SSBP4: variants seen among roughly 807,000 people sequenced by gnomAD.
SSBP4 encodes the protein single stranded DNA binding protein 4, also known as single-stranded DNA-binding protein 4.
A neutral mutation model predicts 64.6 loss-of-function variants in SSBP4; 33 were observed. The observed-to-expected ratio is 0.51, with a 90% CI of 0.39 to 0.68. The LOEUF is 0.68. Among genes scored for constraint, SSBP4 ranks in the 30% least tolerant of loss-of-function variants. The pLI, the probability that SSBP4 is intolerant of heterozygous loss-of-function variation, is 0.00. For missense variants in SSBP4, 583 were observed against 566.8 expected, an observed-to-expected ratio of 1.03 and a Z score of -0.29; for synonymous variants, 243 against 224.0, an observed-to-expected ratio of 1.08 and a Z score of -0.76.
At position 18,432,555 on chromosome 19, in the gene SSBP4, C is replaced by A; in HGVS notation, c.705-4C>A. 6.4e-7 allele frequency: 1 copy of A among 1,571,828 alleles called. No homozygotes were observed. ...CAGAGTCTGTCATCCGCGGTCTCTT[C>A]CAGGGGCCCAGGAGTTCGTGGCCCG... is the stretch of plus-strand genomic sequence containing the variant. On this transcript the variant is annotated splice_polypyrimidine_tract_variant and splice_region_variant and intron_variant, in intron 10 of 17. Coordinates refer to ENST00000270061, the MANE Select transcript of SSBP4 (RefSeq NM_032627.5).
In SSBP4 at chr19:18,427,329, CT is replaced by C. The variant is rs762707458; in HGVS notation, c.60-21del. The C allele has an allele frequency of 2.5e-6, 4 of 1,607,128 alleles. No homozygotes were observed. In the Admixed American group the frequency reaches 5.0e-5, roughly 20 times the overall value. On this transcript the variant is annotated intron_variant, in intron 1 of 17. Transcript: ENST00000270061. The surrounding 1 kb of genome is among the most constrained non-coding windows in gnomAD (Gnocchi z 4.4). Reference sequence around the variant, plus strand: ...CCTTGCCTTGGAGAGTCTGAGCTCCCTGGGCCGCCTCGCCCCCACAGGTTGG... The same window carrying C: ...CCTTGCCTTGGAGAGTCTGAGCTCCCGGGCCGCCTCGCCCCCACAGGTTGG...
At chr19:18,429,520 C>G (rs1217434581) in intron 4 of SSBP4, among the ~76,000 whole-genome samples, 1 of 151,786 alleles carries the variant, frequency 6.6e-6, no homozygotes, top group Non-Finnish European at 1.5e-5. Context: ...CTCAGGCACC[C>G]GCTGTGGCCC....
At chr19:18,407,328 G>A in the SSBP4 span, among the ~76,000 whole-genome samples, 1 of 152,008 alleles carries the variant, frequency 6.6e-6, no homozygotes, top group East Asian at 1.9e-4. Context: ...GTAAGACACA[G>A]CACCCAGCCC....
At chr19:18,403,951 G>A in the SSBP4 span, among the ~76,000 whole-genome samples, 43 of 152,096 alleles carry the variant, frequency 2.8e-4, no homozygotes, top group South Asian at 6.2e-4. Flanking sequence ...ACCTGAAGCC[G>A]TCCCAGGCTT....
At chr19:18,428,976 C>T (rs1200885955) in intron 4 of SSBP4, among the ~76,000 whole-genome samples, 1 of 152,230 alleles carries the variant, frequency 6.6e-6, no homozygotes, top group Non-Finnish European at 1.5e-5. Flanking sequence ...TCTGGGCGCC[C>T]CCCGCCGGGC....
rs780173759 is a variant in SSBP4, at chr19:18,432,233, C to T, written c.704+19C>T. ...TGAACATGTAAGACCCTGGGGGATC[C>T]TAGGAGTGTGCAGTTCGCAGGCCAC... On this transcript the variant is annotated intron_variant, in intron 10 of 17. Coordinates refer to ENST00000270061, the MANE Select transcript of SSBP4 (RefSeq NM_032627.5). 10 of 1,611,738 alleles carry T rather than the reference C, an allele frequency of 6.2e-6. No homozygotes were observed. In the South Asian group the frequency reaches 9.9e-5, roughly 16 times the overall value.
At position 18,421,502 on chromosome 19, in the gene SSBP4, T is replaced by C. The variant is rs936419785; in HGVS notation, c.59+1795T>C. Among the ~76,000 whole-genome samples, 8 of 152,218 alleles carry C rather than the reference T, an allele frequency of 5.3e-5. No homozygotes were observed. In the South Asian group the frequency reaches 1.7e-3, roughly 32 times the overall value. On this transcript the variant is annotated intron_variant, in intron 1 of 17. Coordinates refer to ENST00000270061, the MANE Select transcript of SSBP4 (RefSeq NM_032627.5). Reference sequence around the variant, plus strand: ...CATATCTGCCCTGGGTGTCCCTGGGTGTGGCAGTCGGGAAGGCAGGCTCCG... The same window carrying C: ...CATATCTGCCCTGGGTGTCCCTGGGCGTGGCAGTCGGGAAGGCAGGCTCCG...
intron 10 of SSBP4, 65 bp from the exon 11 acceptor site, chr19:18,432,494 T>G (rs948226043): frequency 8.4e-5 from 126 of 1,508,560 alleles, no homozygotes; most frequent in Non-Finnish European, 1.0e-4. Flanking sequence ...GTGTGGGGGG[T>G]GTGTGGTGAG....
chr19:18,410,464 G>T, the SSBP4 span, among the ~76,000 whole-genome samples: 1 of 152,204 alleles, frequency 6.6e-6, no homozygotes, highest in Non-Finnish European at 1.5e-5. Context: ...GTCAAAGAAG[G>T]CCTCTCTAGA....
At chr19:18,416,429 G>T (rs561157042), upstream of SSBP4, among the ~76,000 whole-genome samples, 8 of 152,164 alleles carry the variant, frequency 5.3e-5, no homozygotes, top group South Asian at 1.7e-3. Flanking sequence ...ATCCTGTCTC[G>T]GCCTCCGAAG....
intron 1 of SSBP4, among the ~76,000 whole-genome samples, chr19:18,422,864 A>G (rs540737844): frequency 2.3e-4 from 35 of 152,342 alleles, no homozygotes; most frequent in African/African-American, 7.0e-4. Flanking sequence ...TCTTCCTGCA[A>G]TGAGCCTCAT....
chr19:18,434,111 C>T (rs1425774038), intron 17 of SSBP4, 106 bp from the exon 18 acceptor site: 2 of 1,531,454 alleles, frequency 1.3e-6, no homozygotes, highest in African/African-American at 1.4e-5. Context: ...CCCATGTCTG[C>T]CCAGGACCCA....
chr19:18,414,241 G>A (rs1972114420), upstream of SSBP4, among the ~76,000 whole-genome samples: 1 of 152,204 alleles, frequency 6.6e-6, no homozygotes, highest in Non-Finnish European at 1.5e-5. Context: ...GGTACTGGAA[G>A]CACTCTGATG....
At chr19:18,425,973 A>G (rs944388226) in intron 1 of SSBP4, 1 of 152,354 alleles carries the variant, frequency 6.6e-6, no homozygotes, top group Non-Finnish European at 1.5e-5. Context: ...GGGTGTGTGC[A>G]CTGCGCAAAA....
chr19:18,432,111 C>T (rs1217534660), intron 9 of SSBP4, 36 bp from the exon 10 acceptor site: 2 of 1,607,656 alleles, frequency 1.2e-6, no homozygotes, highest in African/African-American at 1.3e-5. Flanking sequence ...TCGGGCTGTC[C>T]CCGGTCTACC....
the SSBP4 span, among the ~76,000 whole-genome samples, chr19:18,408,084 T>C: frequency 6.6e-6 from 1 of 152,088 alleles, no homozygotes; most frequent in East Asian, 1.9e-4. Flanking sequence ...CTGAATACCT[T>C]TGGGAGAGTC....
chr19:18,425,999 C>G (rs1335697005), intron 1 of SSBP4: 2 of 152,376 alleles, frequency 1.3e-5, no homozygotes, highest in Non-Finnish European at 2.9e-5. Context: ...TTCATGGATG[C>G]TGGAGGAACT....
In SSBP4 at chr19:18,423,567, G is replaced by GAGC. The variant is rs1972606452; in HGVS notation, c.60-3781_60-3779dup. Among the ~76,000 whole-genome samples the GAGC allele has an allele frequency of 6.6e-6, 1 of 152,178 alleles. No individual in the cohort carries two copies. Among genetic ancestry groups the GAGC allele is most frequent in the African/African-American group, 2.4e-5 (1 of 41,434 alleles). ...CAGCATCTGTGTCTAGGAAGGCGCT[G>GAGC]AGCAGGGAGCATCCATTGCAGCCAT... On this transcript the variant is annotated intron_variant, in intron 1 of 17. Coordinates refer to ENST00000270061, the MANE Select transcript of SSBP4 (RefSeq NM_032627.5). The surrounding 1 kb of genome is among the most constrained non-coding windows in gnomAD (Gnocchi z 4.0).
Position 18,431,433 on chromosome 19 carries a change from T to C in SSBP4, c.435+15T>C. ...CTCACGGTCAGGTAAGGAGCTGTGGTGCCTGCCCCTCACACACACACATCC... is the reference window on the plus strand; with the variant it reads ...CTCACGGTCAGGTAAGGAGCTGTGGCGCCTGCCCCTCACACACACACATCC... On this transcript the variant is annotated intron_variant, in intron 6 of 17. Transcript: ENST00000270061. 2 of 1,473,826 alleles carry C rather than the reference T, an allele frequency of 1.4e-6. No individual in the cohort carries two copies. Among genetic ancestry groups the C allele is most frequent in the South Asian group, 1.2e-5 (1 of 81,150 alleles). 91.3% of individuals were successfully genotyped at this position (1,473,826 alleles called of 1,614,324 possible). A position where few individuals can be genotyped will look rare whatever the true frequency, so the allele number is the denominator to read the frequency against.
Sources: allele counts gnomAD v4.1 joint callset (sites outside exome capture counted in the v4.1 genomes callset), GRCh38; gene constraint gnomAD v4.1.1; non-coding constraint Gnocchi (gnomAD v3.1); transcripts MANE v1.5; gene names NCBI Gene and HGNC (gene_info 2026-07-23, HGNC 2026-07-21).